Variants in AGBL2 observed in about 807,000 individuals in gnomAD.
AGBL2 encodes the protein cytosolic carboxypeptidase 2.
In AGBL2, 87 loss-of-function variants were observed where a neutral mutation model predicts 103.0. The observed-to-expected ratio is 0.84, with a 90% confidence interval of 0.71 to 1.01. The LOEUF is 1.01. Ranked by LOEUF, AGBL2 falls within the 50% of genes least tolerant of loss-of-function variation. The probability of loss-of-function intolerance (pLI) is 0.00; values close to 1 mark genes in which losing one functional copy is unlikely to be tolerated. For missense variants in AGBL2, 904 were observed against 1,023.5 expected (o/e 0.88, Z 1.59); for synonymous variants, 335 against 356.7 (o/e 0.94, Z 0.69).
At chr11:47,695,475 CAA>C (rs56047450) in intron 8 of AGBL2, among the ~76,000 whole-genome samples, 2 of 76,192 alleles carry the variant, frequency 2.6e-5, no homozygotes, top group Admixed American at 1.8e-4. Context: ...AACTCTGTCT[CAA>C]AAAAAAAAAA....
At chr11:47,666,674 G>A in intron 17 of AGBL2, 1 of 572,928 alleles carries the variant, frequency 1.7e-6, no homozygotes, top group Non-Finnish European at 3.1e-6. Context: ...TGATTGAGTA[G>A]ATGGGTGAGT....
chr11:47,686,301 C>T (rs2097423335), intron 10 of AGBL2, among the ~76,000 whole-genome samples: 1 of 151,978 alleles, frequency 6.6e-6, no homozygotes, highest in African/African-American at 2.4e-5. Context: ...CAGGGTCTTG[C>T]CCTGTTGCTC....
At chr11:47,687,141 AT>A (rs145161650) in intron 10 of AGBL2, among the ~76,000 whole-genome samples, 50,047 of 149,494 alleles carry the variant, frequency 0.33, 9,414 homozygotes, top group South Asian at 0.48. Context: ...TAATAAAAAA[AT>A]AAATAAATAA....
At chr11:47,670,306 G>C (rs548441576) in intron 14 of AGBL2, among the ~76,000 whole-genome samples, 4 of 151,972 alleles carry the variant, frequency 2.6e-5, no homozygotes, top group Non-Finnish European at 5.9e-5. Context: ...ACAGTACGTC[G>C]CTGTATCTAC....
chr11:47,669,390 CTG>C (rs1463028566), intron 14 of AGBL2, among the ~76,000 whole-genome samples: 1 of 152,150 alleles, frequency 6.6e-6, no homozygotes, highest in East Asian at 1.9e-4. Context: ...TTCTTGACAG[CTG>C]GGTGCGGTGG....
intron 2 of AGBL2, 34 bp downstream of exon 2, chr11:47,714,584 G>T (rs766064002): frequency 6.8e-6 from 11 of 1,611,414 alleles, no homozygotes; most frequent in Non-Finnish European, 8.5e-6. Context: ...GTTCCCCGAA[G>T]AAATTTCTGT....
At chr11:47,682,611 C>T (rs1276746283) in intron 11 of AGBL2, among the ~76,000 whole-genome samples, 7 of 152,138 alleles carry the variant, frequency 4.6e-5, no homozygotes. Context: ...GTATTCCTTA[C>T]CCCCATAATC....
At chr11:47,688,340 A>G (rs2097432334) in intron 10 of AGBL2, among the ~76,000 whole-genome samples, 1 of 152,086 alleles carries the variant, frequency 6.6e-6, no homozygotes. Context: ...AAGCCTATTG[A>G]GAAAAAGCTC....
chr11:47,678,288 C>CTATTTTATTTTATTT (rs10557006), intron 13 of AGBL2, among the ~76,000 whole-genome samples: 1,380 of 123,820 alleles, frequency 0.011, 36 homozygotes, highest in African/African-American at 0.033. Context: ...ATGCAATACT[C>CTATTTTATTTTATTT]TATTTTATTT....
chr11:47,699,996 T>G (rs1395781038), intron 7 of AGBL2, among the ~76,000 whole-genome samples: 2 of 151,888 alleles, frequency 1.3e-5, no homozygotes, highest in African/African-American at 4.8e-5. Flanking sequence ...CTTGCTCTAT[T>G]GCTCAGGCTA....
At position 47,667,682 on chromosome 11, in the gene AGBL2, C is replaced by T; in HGVS notation, c.2229G>A (p.Lys743=). The change falls in exon 16 of 19, where the codon AAG becomes AAA. Residue 743 remains lysine (K), a synonymous_variant. Transcript: ENST00000525123. ...TCTTTTTTTTCTTCTTAAACATCTT[C>T]TTTTTCTGAGTCAGCTATTCCAGAA... ...ANIADELTQK[K]KMFKKKKKKS... is the part of the protein sequence containing the mutation. 6.2e-7 allele frequency: 1 copy of T among 1,611,598 alleles called. No homozygotes were observed. The highest frequency in any genetic ancestry group is 8.5e-7 in the Non-Finnish European group (1 of 1,179,620).
chr11:47,660,192 T>G lies in AGBL2; in HGVS notation c.2690A>C (p.His897Pro). Residue 897 changes from histidine (H) to proline (P), a missense_variant, in exon 19 of 19, where the codon CAC becomes CCC. Coordinates refer to ENST00000525123, the MANE Select transcript of AGBL2 (RefSeq NM_024783.4). ...CAAMAAYPSL[H>P]IYTYP ...GCTCACCTACGGGTATGTGTATATG[T>G]GCAAGGATGGGTATGCCGCCATGGC... 3 of 1,613,970 alleles carry G rather than the reference T, an allele frequency of 1.9e-6. No homozygotes were observed. Among genetic ancestry groups the G allele is most frequent in the Non-Finnish European group, 2.5e-6 (3 of 1,179,982 alleles).
intron 7 of AGBL2, among the ~76,000 whole-genome samples, chr11:47,700,065 C>T (rs2097492194): frequency 6.6e-6 from 1 of 152,016 alleles, no homozygotes; most frequent in Non-Finnish European, 1.5e-5. Flanking sequence ...TCAAGCGATT[C>T]TCTCGCCTCA....
intron 8 of AGBL2, among the ~76,000 whole-genome samples, chr11:47,698,082 G>C (rs1565073743): frequency 6.7e-6 from 1 of 149,854 alleles, no homozygotes; most frequent in South Asian, 2.1e-4. Context: ...GGCTGGTCTC[G>C]AACTGCCGAC....
At chr11:47,706,656 G>T (rs1446723485) in intron 4 of AGBL2, among the ~76,000 whole-genome samples, 1 of 152,134 alleles carries the variant, frequency 6.6e-6, no homozygotes, top group Non-Finnish European at 1.5e-5. Context: ...GGGTTGGGTT[G>T]TGGTCACTTG....
intron 3 of AGBL2, among the ~76,000 whole-genome samples, chr11:47,713,598 A>T (rs991399598): frequency 3.3e-5 from 5 of 149,604 alleles, no homozygotes; most frequent in East Asian, 2.0e-4. Context: ...TTATTTATTT[A>T]TTTTTTTTGA....
rs754816884 is a variant in AGBL2 at position 47,685,954 on chromosome 11, C to T, written c.1727G>A (p.Arg576His). Residue 576 changes from arginine (R) to histidine (H), a missense_variant, in exon 11 of 19, where the codon CGC (arginine) becomes CAC (histidine). Arg to His is a conservative substitution (Grantham distance 29, BLOSUM62 0). Coordinates refer to ENST00000525123, the MANE Select transcript of AGBL2 (RefSeq NM_024783.4). ...IFLYGCNNNN[R>H]KYWLHERVFP... ...GACTCGTTCATGAAGCCAGTATTTGCGATTGTTGTTATTACAGCCATACAG... is the reference window on the plus strand; with the variant it reads ...GACTCGTTCATGAAGCCAGTATTTGTGATTGTTGTTATTACAGCCATACAG... 1.2e-5 allele frequency: 20 copies of T among 1,613,784 alleles called. No individual in the cohort carries two copies. Among genetic ancestry groups the T allele is most frequent in the African/African-American group, 4.0e-5 (3 of 74,878 alleles).
At chr11:47,707,025 A>T (rs1043548722) in intron 4 of AGBL2, among the ~76,000 whole-genome samples, 18 of 3,224 alleles carry the variant, frequency 5.6e-3, no homozygotes, top group South Asian at 0.17. Context: ...TGTCTCTACT[A>T]AAAAAAAAAA....
Position 47,667,693 on chromosome 11 carries a change from T to G in AGBL2, c.2218A>C (p.Thr740Pro). The change falls in exon 16 of 19, where the codon ACT (threonine) becomes CCT (proline). Residue 740 changes from threonine to proline, a missense_variant. Physicochemically the swap from Thr to Pro is conservative, Grantham distance 38 (BLOSUM62 -1). Transcript: ENST00000525123. ...VHLANIADEL[T>P]QKKKMFKKKK... is the part of the protein sequence containing the mutation. The stretch of plus-strand genomic sequence containing the variant: ...TTCTTAAACATCTTCTTTTTCTGAG[T>G]CAGCTATTCCAGAAAGTAGAGAAAC... The G allele has an allele frequency of 6.2e-7, 1 of 1,610,304 alleles. No individual in the cohort carries two copies. The highest frequency in any genetic ancestry group is 8.5e-7 in the Non-Finnish European group (1 of 1,179,480).
Sources: gnomAD v4.1 joint callset for allele counts (sites outside exome capture counted in the v4.1 genomes callset) on GRCh38, gnomAD v4.1.1 for gene constraint, MANE v1.5 for transcripts, NCBI Gene and HGNC (gene_info 2026-07-23, HGNC 2026-07-21) for gene names.